The following CNOT2 variants were observed in gnomAD, a reference collection of about 807,000 sequenced individuals.
CNOT2 encodes the protein CCR4-NOT transcription complex subunit 2, also known as CC chemokine receptor 4-negative regulator of transcription 2.
In CNOT2, 7 loss-of-function variants were observed where a neutral mutation model predicts 72.1. That is an observed-to-expected ratio of 0.10 (90% CI 0.06 to 0.18). CNOT2 has a LOEUF of 0.18. CNOT2 is among the 10% of genes least tolerant of loss of function. CNOT2 has a pLI of 1.00. For synonymous variants in CNOT2, 196 were observed against 225.6 expected (o/e 0.87, Z 1.17); for missense variants, 345 against 660.3 (o/e 0.52, Z 5.23).
intron 1 of CNOT2, among the ~76,000 whole-genome samples, chr12:70,266,342 C>G (rs1314867472): frequency 6.6e-6 from 1 of 152,134 alleles, no homozygotes; most frequent in Admixed American, 6.5e-5. Flanking sequence ...AGACTTGCCT[C>G]AAACTCCTGA....
intron 15 of CNOT2, among the ~76,000 whole-genome samples, chr12:70,348,700 G>A (rs956097946): frequency 2.0e-5 from 3 of 152,044 alleles, no homozygotes; most frequent in Non-Finnish European, 4.4e-5. Flanking sequence ...CAGCTTTCCA[G>A]AATTAAGTTC....
intron 1 of CNOT2, among the ~76,000 whole-genome samples, chr12:70,273,259 C>T (rs979159842): frequency 2.0e-5 from 3 of 152,110 alleles, no homozygotes; most frequent in Non-Finnish European, 4.4e-5. Context: ...AAGCTATCTA[C>T]GAAGATTACC....
At chr12:70,274,847 C>G (rs1238045666) in intron 1 of CNOT2, among the ~76,000 whole-genome samples, 1 of 152,066 alleles carries the variant, frequency 6.6e-6, no homozygotes, top group Non-Finnish European at 1.5e-5. Context: ...ATCCATCTTG[C>G]ATGAATTAAC....
intron 2 of CNOT2, among the ~76,000 whole-genome samples, chr12:70,306,183 C>T (rs752031330): frequency 2.4e-4 from 36 of 152,164 alleles, no homozygotes; most frequent in Admixed American, 5.2e-4. Flanking sequence ...GACGTAGTCT[C>T]GTGGTGTCGG....
chr12:70,283,420 A>AGG (rs36140811), intron 2 of CNOT2, among the ~76,000 whole-genome samples: 18,003 of 151,862 alleles, frequency 0.12, 1,413 homozygotes, highest in Non-Finnish European at 0.18. Context: ...TCATCACACC[A>AGG]CTGCACTCCA....
chr12:70,270,796 C>T (rs1357347673), intron 1 of CNOT2, among the ~76,000 whole-genome samples: 1 of 152,144 alleles, frequency 6.6e-6, no homozygotes, highest in African/African-American at 2.4e-5. Context: ...TAACAAGAAT[C>T]AGTTTTTATG....
intron 1 of CNOT2, among the ~76,000 whole-genome samples, chr12:70,251,321 T>C (rs1395830297): frequency 2.0e-5 from 3 of 152,114 alleles, no homozygotes; most frequent in Non-Finnish European, 1.5e-5. Context: ...CTCTGGGTTC[T>C]GAAGGGTGAT....
chr12:70,351,074 A>G (rs1246449579), intron 15 of CNOT2, among the ~76,000 whole-genome samples: 2 of 152,126 alleles, frequency 1.3e-5, no homozygotes, highest in Non-Finnish European at 2.9e-5. Context: ...AGTATTTGGA[A>G]CTCTTTCTAG....
rs1159898365 is a variant in CNOT2, at chr12:70,310,804, T to C, written c.49-91T>C. The C allele has an allele frequency of 3.8e-6, 4 of 1,045,574 alleles. No homozygotes were observed. The East Asian group carries it at 7.4e-5, about 19-fold the overall frequency. The allele number at this position is 1,045,574 out of a possible 1,614,324, so 64.8% of individuals were successfully genotyped here. On this transcript the variant is annotated intron_variant, in intron 2 of 15. Transcript: ENST00000229195. ...ATCAATTTCTGTATCTTAGCAATGC[T>C]CCCTTCATGTTCTGTTTTCCACATA... is the stretch of plus-strand genomic sequence containing the variant.
chr12:70,338,128 C>G, intron 9 of CNOT2: 1 of 233,544 alleles, frequency 4.3e-6, no homozygotes, highest in Non-Finnish European at 8.3e-6. Context: ...AGGAGTGTAA[C>G]TTCAAGTGTA....
chr12:70,334,630 A>G (rs1880416224), intron 7 of CNOT2: 1 of 152,124 alleles, frequency 6.6e-6, no homozygotes, highest in Admixed American at 6.6e-5. Context: ...TTATAAGAAT[A>G]CTAAAAAGTT....
intron 1 of CNOT2, among the ~76,000 whole-genome samples, chr12:70,259,754 A>G (rs937405209): frequency 2.0e-5 from 3 of 152,322 alleles, no homozygotes; most frequent in Middle Eastern, 3.4e-3. Flanking sequence ...GAATGAATGC[A>G]TATAATAAAT....
chr12:70,290,237 G>GT (rs550689237), intron 2 of CNOT2, among the ~76,000 whole-genome samples: 64 of 147,056 alleles, frequency 4.4e-4, no homozygotes, highest in Non-Finnish European at 6.7e-4. Context: ...TTTTTTTTTT[G>GT]TTTTTTTTAG....
chr12:70,299,397 C>T (rs1453155621), intron 2 of CNOT2, among the ~76,000 whole-genome samples: 1 of 136,268 alleles, frequency 7.3e-6, no homozygotes, highest in Non-Finnish European at 1.6e-5. Flanking sequence ...CAACAGTCCC[C>T]GGTGTGTGAT....
chr12:70,311,565 C>T (rs1043524735), intron 3 of CNOT2, among the ~76,000 whole-genome samples: 5 of 151,920 alleles, frequency 3.3e-5, no homozygotes, highest in African/African-American at 1.2e-4. Context: ...GAATTAAATG[C>T]TTTGGAAGGC....
At chr12:70,259,057 G>A (rs1040935404) in intron 1 of CNOT2, among the ~76,000 whole-genome samples, 3 of 152,156 alleles carry the variant, frequency 2.0e-5, no homozygotes, top group African/African-American at 7.2e-5. Flanking sequence ...GTTGTTACAC[G>A]AGGTTAGCTG....
At chr12:70,254,284 GA>G (rs1958309257) in intron 1 of CNOT2, among the ~76,000 whole-genome samples, 1 of 151,110 alleles carries the variant, frequency 6.6e-6, no homozygotes, top group South Asian at 2.1e-4. Context: ...AAAGTTAAAT[GA>G]ATGTGATCTC....
chr12:70,293,736 T>C (rs777049421), intron 2 of CNOT2, among the ~76,000 whole-genome samples: 15 of 151,936 alleles, frequency 9.9e-5, no homozygotes, highest in Non-Finnish European at 2.1e-4. Flanking sequence ...TTGTTGATGG[T>C]GTTAATGTGT....
At chr12:70,248,366 C>G (rs1372483700) in intron 1 of CNOT2, among the ~76,000 whole-genome samples, 2 of 152,038 alleles carry the variant, frequency 1.3e-5, no homozygotes, top group Admixed American at 6.6e-5. Context: ...TTGATCATTT[C>G]TTTTGTTTTG....
Sources: allele counts gnomAD v4.1 joint callset (sites outside exome capture counted in the v4.1 genomes callset), GRCh38; gene constraint gnomAD v4.1.1; transcripts MANE v1.5; gene names NCBI Gene and HGNC (gene_info 2026-07-23, HGNC 2026-07-21).